The following GABRD variants were observed in gnomAD, a reference collection of about 807,000 sequenced individuals.
GABRD encodes gamma-aminobutyric acid type A receptor subunit delta.
Under a neutral mutation model 47.3 loss-of-function variants are expected in GABRD, and 25 were observed. That is an observed-to-expected ratio of 0.53 (90% confidence interval 0.39 to 0.74). The LOEUF is 0.74. GABRD is among the 30% of genes least tolerant of loss of function. The pLI is 0.00. For synonymous variants in GABRD, 314 were observed against 278.8 expected (o/e 1.13, Z -1.26); for missense variants, 497 against 643.4 (o/e 0.77, Z 2.46).
At position 2,028,437 on chromosome 1, in the gene GABRD, C is replaced by T. The variant is rs949199719; in HGVS notation, c.691+145C>T. On this transcript the variant is annotated intron_variant, in intron 6 of 8. Transcript: ENST00000378585. This position sits in a 1 kb window ranked among gnomAD's most constrained non-coding sequence, Gnocchi z 6.4. The stretch of plus-strand genomic sequence containing the variant: ...TTTTAGTCAAGCGCCCGCAGGCCCC[C>T]AGGGCCTCTGGGGATGCAGCTGGGA... 12 of 924,316 alleles carry T rather than the reference C, an allele frequency of 1.3e-5. No individual in the cohort carries two copies. The African/African-American group carries it at 1.8e-4, about 14-fold the overall frequency. 57.3% of individuals were successfully genotyped at this position (924,316 alleles called of 1,614,324 possible). A position where few individuals can be genotyped will look rare whatever the true frequency, so the allele number is the denominator to read the frequency against.
At chr1:2,025,773 G>T (rs746153181) in intron 4 of GABRD, 35 bp downstream of exon 4, 4 of 1,579,960 alleles carry the variant, frequency 2.5e-6, no homozygotes, top group Non-Finnish European at 3.5e-6. Flanking sequence ...CCGGGGGAGA[G>T]CCTGCCCGGG....
Position 2,019,377 on chromosome 1 carries a change from G to T in GABRD, c.-47G>T. The T allele has an allele frequency of 9.9e-7, 1 of 1,009,396 alleles. No homozygotes were observed. The allele number at this position is 1,009,396 out of a possible 1,614,324, so 62.5% of individuals were successfully genotyped here. On this transcript the variant is annotated 5_prime_UTR_variant, in exon 1 of 9. Coordinates refer to ENST00000378585, the MANE Select transcript of GABRD (RefSeq NM_000815.5). ...GCCCGCCTGTGCCGCCTGTGCGGCC[G>T]CCGGGAGCCAAGTTTGCGCGGACCC... is the stretch of plus-strand genomic sequence containing the variant.
rs1368803955 is a variant in GABRD, at chr1:2,028,390, G to T, written c.691+98G>T. On this transcript the variant is annotated intron_variant, in intron 6 of 8. Coordinates refer to ENST00000378585, the MANE Select transcript of GABRD (RefSeq NM_000815.5). The surrounding 1 kb of genome is among the most constrained non-coding windows in gnomAD (Gnocchi z 6.4). The stretch of plus-strand genomic sequence containing the variant: ...CGCGCCCACCGCCCCTTCCGCGTGC[G>T]CCCGCCTGTGGTTTTCATGCTTTTT... The T allele has an allele frequency of 3.2e-6, 4 of 1,255,348 alleles. No individual in the cohort carries two copies. Among genetic ancestry groups the T allele is most frequent in the African/African-American group, 3.3e-5 (2 of 61,388 alleles). 77.8% of individuals were successfully genotyped at this position (1,255,348 alleles called of 1,614,324 possible).
At chr1:2,029,942 C>T (rs1425323509) in intron 8 of GABRD, 41 bp from the exon 9 acceptor site, 14 of 1,605,556 alleles carry the variant, frequency 8.7e-6, no homozygotes, top group Non-Finnish European at 1.2e-5. Context: ...GGAGCTGCAC[C>T]CCAGTGCTCA....
At chr1:2,029,341 G>A (rs1659019704) in intron 7 of GABRD, 75 bp downstream of exon 7, 1 of 1,494,744 alleles carries the variant, frequency 6.7e-7, no homozygotes, top group Non-Finnish European at 8.9e-7. Context: ...TCCCTCGGCT[G>A]GGGGCTCAGC....
Position 2,029,786 on chromosome 1 carries a change from G to A in GABRD, c.1059+24G>A, listed in dbSNP as rs555522768. On this transcript the variant is annotated intron_variant, in intron 8 of 8. Transcript: ENST00000378585. ...AGGTGAGGGCCTGGGGCCGAGCCAG[G>A]GACAGCACTGCTGGGGGCCCCAACC... is the stretch of plus-strand genomic sequence containing the variant. The A allele has an allele frequency of 7.5e-6, 12 of 1,599,874 alleles. No individual in the cohort carries two copies. The African/African-American group carries it at 1.3e-4, about 18-fold the overall frequency.
chr1:2,028,116 G>C lies in GABRD; in HGVS notation c.554-39G>C, dbSNP rs1375470215. 5 of 1,592,332 alleles carry C rather than the reference G, an allele frequency of 3.1e-6. No individual in the cohort carries two copies. The highest frequency in any genetic ancestry group is 2.0e-4 in the Middle Eastern group (1 of 4,892). Reference sequence around the variant, plus strand: ...GCTCCTGCCAGGGCTCCCGGGGCAGGGCCGGGCTCTGCCGCCCACCTGTGT... The same window carrying C: ...GCTCCTGCCAGGGCTCCCGGGGCAGCGCCGGGCTCTGCCGCCCACCTGTGT... On this transcript the variant is annotated intron_variant, in intron 5 of 8. Coordinates refer to ENST00000378585, the MANE Select transcript of GABRD (RefSeq NM_000815.5). The surrounding 1 kb of genome is among the most constrained non-coding windows in gnomAD (Gnocchi z 6.4).
In GABRD at chr1:2,028,985, CA is replaced by C; in HGVS notation, c.692-125del. 1.7e-6 allele frequency: 2 copies of C among 1,204,222 alleles called. No homozygotes were observed. Among genetic ancestry groups the C allele is most frequent in the African/African-American group, 1.5e-5 (1 of 65,188 alleles). 74.6% of individuals were successfully genotyped at this position (1,204,222 alleles called of 1,614,324 possible). ...CAGGCCATGTGGTTGGTGGGGAGGG[CA>C]GGGGTCTAAGTCTCTCTTCTGAGCC... On this transcript the variant is annotated intron_variant, in intron 6 of 8. Transcript: ENST00000378585. This position sits in a 1 kb window ranked among gnomAD's most constrained non-coding sequence, Gnocchi z 6.4.
At position 2,025,432 on chromosome 1, in the gene GABRD, G is replaced by A. The variant is rs377333949; in HGVS notation, c.249+31G>A. On this transcript the variant is annotated intron_variant, in intron 3 of 8. Coordinates refer to ENST00000378585, the MANE Select transcript of GABRD (RefSeq NM_000815.5). ...TGCCACCAGCCTCTGCCTCAGGCAC[G>A]GTGGGTGCCCACAGCCTCTGCCCTG... 92 of 1,612,560 alleles carry A rather than the reference G, an allele frequency of 5.7e-5. No homozygotes were observed. In the East Asian group the frequency reaches 7.1e-4, roughly 12 times the overall value.
chr1:2,026,404 C>T (rs1482971690), intron 4 of GABRD: 2 of 152,392 alleles, frequency 1.3e-5, no homozygotes, highest in Admixed American at 6.5e-5. Context: ...ATCCCTCTGC[C>T]GAGGGGCGCT....
intron 1 of GABRD, 23 bp from the exon 2 acceptor site, chr1:2,024,919 G>T: frequency 6.4e-7 from 1 of 1,552,402 alleles, no homozygotes; most frequent in South Asian, 1.1e-5. Flanking sequence ...TGGCCTGTCT[G>T]ACCGGTGGCT....
Position 2,022,272 on chromosome 1 carries a change from A to G in GABRD, c.69-2670A>G, listed in dbSNP as rs527358830. 5.3e-4 allele frequency: 81 copies of G among 152,492 alleles called. 1 individual carries two copies. The highest frequency in any genetic ancestry group is 1.0e-3 in the Non-Finnish European group (68 of 68,230). The allele number at this position is 152,492 out of a possible 1,614,324, so 9.4% of individuals were successfully genotyped here. On this transcript the variant is annotated intron_variant, in intron 1 of 8. Transcript: ENST00000378585. Reference sequence around the variant, plus strand: ...CCCGCTAGATCTGCCTCCCTTGTACATCCTGACCTGAGGAAGTGAGGGGCC... The same window carrying G: ...CCCGCTAGATCTGCCTCCCTTGTACGTCCTGACCTGAGGAAGTGAGGGGCC...
chr1:2,025,339 C>G lies in GABRD; in HGVS notation c.187C>G (p.Pro63Ala), dbSNP rs911958534. The change falls in exon 3 of 9, where the codon CCC (proline) becomes GCC (alanine). Residue 63 changes from proline to alanine, a missense_variant. Pro to Ala is a conservative substitution (Grantham distance 27). Around this residue, in one of 3 missense-constraint regions of GABRD, gnomAD observed 91 missense variants for 85.5 expected, o/e 1.06. Transcript: ENST00000378585. ...GTTCTGCTCTTTCCTTGCAGGCCCC[C>G]CCGTGAATGTGGCCCTTGCCCTGGA... Reference protein sequence around the residue: ...RNFRPGIGGPPVNVALALEVA... With the variant: ...RNFRPGIGGPAVNVALALEVA... 77 of 1,613,106 alleles carry G rather than the reference C, an allele frequency of 4.8e-5. No homozygotes were observed. Among genetic ancestry groups the G allele is most frequent in the Middle Eastern group, 1.6e-4 (1 of 6,084 alleles).
chr1:2,024,229 G>C (rs552272546), intron 1 of GABRD: 1 of 152,546 alleles, frequency 6.6e-6, no homozygotes, highest in African/African-American at 2.4e-5. Context: ...GGCCGGGGGG[G>C]TGCTGGGGTG....
intron 4 of GABRD, chr1:2,027,214 C>T (rs1658951156): frequency 5.6e-6 from 2 of 355,510 alleles, no homozygotes; most frequent in Admixed American, 4.2e-5. Context: ...AAATATTTGA[C>T]CTCTCCTAGA....
Position 2,029,566 on chromosome 1 carries a change from TGAC to T in GABRD, c.866_868del (p.Thr289del). 3 of 1,612,882 alleles carry T rather than the reference TGAC, an allele frequency of 1.9e-6. No individual in the cohort carries two copies. The highest frequency in any genetic ancestry group is 2.5e-6 in the Non-Finnish European group (3 of 1,179,974). ...TGCCCGGCAGGCATCACCACGGTGC[TGAC>T]GATGACCACGCTCATGGTCAGTGCC... is the stretch of plus-strand genomic sequence containing the variant. On this transcript the variant is annotated inframe_deletion, in exon 8 of 9. Coordinates refer to ENST00000378585, the MANE Select transcript of GABRD (RefSeq NM_000815.5).
chr1:2,025,469 C>T (rs1309481460), intron 3 of GABRD, 49 bp from the exon 4 acceptor site: 2 of 1,611,464 alleles, frequency 1.2e-6, no homozygotes, highest in Non-Finnish European at 1.7e-6. Flanking sequence ...GCTGCATGCC[C>T]CTGGGGGTGG....
intron 1 of GABRD, among the ~76,000 whole-genome samples, chr1:2,021,853 A>C (rs529516108): frequency 3.9e-5 from 6 of 152,312 alleles, no homozygotes; most frequent in African/African-American, 1.4e-4. Flanking sequence ...AGAAGCCTGC[A>C]GGGGGAGGAT....
chr1:2,026,942 C>T (rs1320223478), intron 4 of GABRD: 1 of 160,864 alleles, frequency 6.2e-6, no homozygotes, highest in Non-Finnish European at 1.4e-5. Context: ...ATACTTGAGC[C>T]TGGGAGTTTG....
Sources: allele counts gnomAD v4.1 joint callset (sites outside exome capture counted in the v4.1 genomes callset), GRCh38; gene constraint gnomAD v4.1.1; regional missense constraint gnomAD v4.1.1; non-coding constraint Gnocchi (gnomAD v3.1); transcripts MANE v1.5; gene names NCBI Gene and HGNC (gene_info 2026-07-23, HGNC 2026-07-21).